The following ASTN2 variants were observed in gnomAD, a reference collection of about 807,000 sequenced individuals.
ASTN2 encodes the protein astrotactin-2.
ASTN2 carries 54 observed loss-of-function variants against 139.8 expected under a neutral mutation model. That is an observed-to-expected ratio of 0.39 (90% CI 0.31 to 0.48). The LOEUF is 0.48. Among genes scored for constraint, ASTN2 ranks in the 20% least tolerant of loss-of-function variants. The pLI is 0.95. For missense variants in ASTN2, 1,565 were observed against 1,725.1 expected (o/e 0.91, Z 1.64); for synonymous variants, 756 against 719.5 (o/e 1.05, Z -0.81).
intron 2 of ASTN2, among the ~76,000 whole-genome samples, chr9:117,223,634 T>A (rs1564489129): frequency 1.3e-5 from 2 of 152,158 alleles, no homozygotes; most frequent in African/African-American, 4.8e-5. Flanking sequence ...GATACCAGCA[T>A]GTAATCAAAT....
At chr9:116,478,253 GGGAAGGAA>G (rs770411627) in intron 20 of ASTN2, among the ~76,000 whole-genome samples, 4 of 128,622 alleles carry the variant, frequency 3.1e-5, no homozygotes, top group South Asian at 5.9e-4. Context: ...GAGGGAGGGA[GGGAAGGAA>G]GGAAGGAAGG....
intron 7 of ASTN2, among the ~76,000 whole-genome samples, chr9:117,002,677 T>C (rs1391056792): frequency 1.3e-5 from 2 of 152,214 alleles, no homozygotes; most frequent in East Asian, 3.9e-4. Context: ...ATTCCGTTCT[T>C]CCTTCCTGCT....
intron 20 of ASTN2, among the ~76,000 whole-genome samples, chr9:116,459,961 T>C (rs890773814): frequency 6.6e-6 from 1 of 152,118 alleles, no homozygotes; most frequent in South Asian, 2.1e-4. Context: ...AAAATTTTCA[T>C]AGCAACATTA....
chr9:116,572,378 T>A (rs1179145117), intron 19 of ASTN2, among the ~76,000 whole-genome samples: 1 of 152,162 alleles, frequency 6.6e-6, no homozygotes, highest in African/African-American at 2.4e-5. Context: ...TGAACACCAC[T>A]GGAAACAGAC....
intron 3 of ASTN2, among the ~76,000 whole-genome samples, chr9:117,196,620 C>G (rs1396746039): frequency 1.3e-5 from 2 of 152,128 alleles, no homozygotes; most frequent in African/African-American, 4.8e-5. Context: ...CTGCCTCCAC[C>G]CTAGATTCTA....
chr9:117,162,885 G>A (rs988560893), intron 3 of ASTN2, among the ~76,000 whole-genome samples: 2 of 151,976 alleles, frequency 1.3e-5, no homozygotes, highest in African/African-American at 4.8e-5. Flanking sequence ...TGAACACATG[G>A]GAACATGCAT....
intron 1 of ASTN2, among the ~76,000 whole-genome samples, chr9:117,370,025 A>G (rs1302447790): frequency 6.7e-6 from 1 of 149,240 alleles, no homozygotes; most frequent in Non-Finnish European, 1.5e-5. Flanking sequence ...GGTTGGCCCT[A>G]AGTCCAGGTA....
chr9:117,095,441 C>A (rs1440515764), intron 5 of ASTN2, among the ~76,000 whole-genome samples: 1 of 152,270 alleles, frequency 6.6e-6, no homozygotes, highest in East Asian at 1.9e-4. Flanking sequence ...AAATAATTAT[C>A]CAATACTGAA....
At chr9:117,384,356 C>T (rs1486303865) in intron 1 of ASTN2, among the ~76,000 whole-genome samples, 1 of 152,160 alleles carries the variant, frequency 6.6e-6, no homozygotes, top group East Asian at 1.9e-4. Flanking sequence ...TAACCTTCAC[C>T]TGAGTGAATC....
chr9:116,715,079 C>CAA (rs1171387504), intron 16 of ASTN2, among the ~76,000 whole-genome samples: 1 of 114,896 alleles, frequency 8.7e-6, no homozygotes, highest in Non-Finnish European at 1.9e-5. Context: ...GACTCCGTCT[C>CAA]AAAAAAAAAA....
Position 116,440,604 on chromosome 9 carries a change from C to G in ASTN2, c.3782+5G>C. 6.2e-7 allele frequency: 1 copy of G among 1,612,670 alleles called. No individual in the cohort carries two copies. The highest frequency in any genetic ancestry group is 8.5e-7 in the Non-Finnish European group (1 of 1,179,886). ...GCCCCTCCAATCACACAAATACGCC[C>G]ATACCTGGGCCCCAGCTCATCCTCA... On this transcript the variant is annotated splice_donor_5th_base_variant and intron_variant, in intron 22 of 22. Coordinates refer to ENST00000313400, the MANE Select transcript of ASTN2 (RefSeq NM_001365068.1).
At chr9:116,868,916 G>A (rs1833084169) in intron 10 of ASTN2, among the ~76,000 whole-genome samples, 1 of 152,150 alleles carries the variant, frequency 6.6e-6, no homozygotes, top group South Asian at 2.1e-4. Flanking sequence ...TTTGGGCTGG[G>A]TGCAGTGGCT....
At position 117,095,942 on chromosome 9, in the gene ASTN2, C is replaced by G. The variant is rs1828829620; in HGVS notation, c.1276+102G>C. On this transcript the variant is annotated intron_variant, in intron 5 of 22. Coordinates refer to ENST00000313400, the MANE Select transcript of ASTN2 (RefSeq NM_001365068.1). ...AGCTCAGTTTTAACCAGATGGGGAC[C>G]AGGTTAGAGAAGATTTAGGATTTGC... The G allele has an allele frequency of 3.7e-6, 4 of 1,068,300 alleles. No homozygotes were observed. In the South Asian group the frequency reaches 5.7e-5, roughly 15 times the overall value. 66.2% of individuals were successfully genotyped at this position (1,068,300 alleles called of 1,614,324 possible). A position where few individuals can be genotyped will look rare whatever the true frequency, so the allele number is the denominator to read the frequency against.
chr9:117,414,405 G>A lies in ASTN2; in HGVS notation c.442+92C>T, dbSNP rs1831264741. On this transcript the variant is annotated intron_variant, in intron 1 of 22. Transcript: ENST00000313400. The surrounding 1 kb of genome is among the most constrained non-coding windows in gnomAD (Gnocchi z 4.2). The stretch of plus-strand genomic sequence containing the variant: ...GCCAACCCCACTCGGGGCAGCCCCG[G>A]GCAGGGATCCCCAGGGCGCCCCCAC... 3 of 1,556,284 alleles carry A rather than the reference G, an allele frequency of 1.9e-6. No individual in the cohort carries two copies. The highest frequency in any genetic ancestry group is 1.7e-6 in the Non-Finnish European group (2 of 1,151,836).
At chr9:117,236,631 T>A (rs1833052978) in intron 2 of ASTN2, among the ~76,000 whole-genome samples, 1 of 152,142 alleles carries the variant, frequency 6.6e-6, no homozygotes, top group Non-Finnish European at 1.5e-5. Flanking sequence ...AATTGCTCAG[T>A]AATGAATGGA....
chr9:116,467,153 C>T (rs1848670361), intron 20 of ASTN2, among the ~76,000 whole-genome samples: 1 of 152,122 alleles, frequency 6.6e-6, no homozygotes, highest in Non-Finnish European at 1.5e-5. Context: ...GCATGAAGGA[C>T]TATCAAAGTC....
At chr9:116,739,011 T>TAC (rs35705356) in intron 13 of ASTN2, among the ~76,000 whole-genome samples, 45,334 of 150,400 alleles carry the variant, frequency 0.3, 8,399 homozygotes, top group Non-Finnish European at 0.41. Context: ...AACATTCACT[T>TAC]ACACACACAC....
chr9:117,381,256 TG>T (rs1260966171), intron 1 of ASTN2, among the ~76,000 whole-genome samples: 3 of 152,138 alleles, frequency 2.0e-5, no homozygotes, highest in Non-Finnish European at 4.4e-5. Flanking sequence ...CTAATGGTTG[TG>T]GGGTTTCTTT....
At chr9:116,687,052 A>C in intron 16 of ASTN2, 1 of 1,320,152 alleles carries the variant, frequency 7.6e-7, no homozygotes, top group Non-Finnish European at 9.7e-7. Flanking sequence ...ATTCTGGCTT[A>C]TCTCCTGACT....
Sources: gnomAD v4.1 joint callset for allele counts (sites outside exome capture counted in the v4.1 genomes callset) on GRCh38, gnomAD v4.1.1 for gene constraint, Gnocchi (gnomAD v3.1) non-coding constraint, MANE v1.5 for transcripts, NCBI Gene and HGNC (gene_info 2026-07-23, HGNC 2026-07-21) for gene names.